ANKRD55: variants seen among roughly 807,000 people sequenced by gnomAD.
ANKRD55 encodes ankyrin repeat domain 55.
ANKRD55 carries 41 observed loss-of-function variants against 60.6 expected under a neutral mutation model. The observed-to-expected ratio is 0.68, with a 90% CI of 0.53 to 0.88. The LOEUF (loss-of-function observed/expected upper bound fraction) is 0.88. Ranked by LOEUF, ANKRD55 falls within the 40% of genes least tolerant of loss-of-function variation. ANKRD55 has a pLI of 0.00. For missense variants in ANKRD55, 732 were observed against 767.6 expected, an observed-to-expected ratio of 0.95 and a Z score of 0.55; for synonymous variants, 264 against 290.3, an observed-to-expected ratio of 0.91 and a Z score of 0.92.
At chr5:56,175,039 C>T (rs376579684) in intron 4 of ANKRD55, among the ~76,000 whole-genome samples, 2 of 152,074 alleles carry the variant, frequency 1.3e-5, no homozygotes, top group African/African-American at 4.8e-5. Context: ...AAACAAGCAC[C>T]CCAAGGGATA....
intron 10 of ANKRD55, among the ~76,000 whole-genome samples, chr5:56,104,497 G>C (rs1756390334): frequency 6.6e-6 from 1 of 152,150 alleles, no homozygotes; most frequent in African/African-American, 2.4e-5. Flanking sequence ...TCAGTTTTCA[G>C]GGACAGGGTG....
At position 56,216,477 on chromosome 5, in the gene ANKRD55, T is replaced by C. The variant is rs183247445; in HGVS notation, c.58+16379A>G. On this transcript the variant is annotated intron_variant, in intron 2 of 11. Coordinates refer to ENST00000341048, the MANE Select transcript of ANKRD55 (RefSeq NM_024669.3). The stretch of plus-strand genomic sequence containing the variant: ...AAAAGCTAGAAATGATTAAGCTCAA[T>C]GAGGAAGGCATGTTGAAAGCTAAAA... Among the ~76,000 whole-genome samples the C allele has an allele frequency of 2.6e-5, 4 of 152,326 alleles. No homozygotes were observed. The East Asian group carries it at 7.7e-4, about 29-fold the overall frequency.
At chr5:56,102,674 G>T (rs1756324019) in intron 10 of ANKRD55, 88 bp from the exon 11 acceptor site, 2 of 853,156 alleles carry the variant, frequency 2.3e-6, no homozygotes, top group South Asian at 1.5e-5. Context: ...CATCAAAGTT[G>T]TTACAGATCA....
intron 5 of ANKRD55, among the ~76,000 whole-genome samples, chr5:56,168,760 T>C (rs1758542114): frequency 6.6e-6 from 1 of 152,200 alleles, no homozygotes; most frequent in Non-Finnish European, 1.5e-5. Flanking sequence ...TCTTAGGGGA[T>C]GAAGGTGCTA....
intron 9 of ANKRD55, among the ~76,000 whole-genome samples, chr5:56,115,345 G>T (rs1364978470): frequency 6.0e-5 from 9 of 149,090 alleles, no homozygotes; most frequent in Admixed American, 6.0e-4. Flanking sequence ...TTTTGAGACG[G>T]TCTTGCTCTG....
At chr5:56,120,266 A>G (rs1341749708) in intron 8 of ANKRD55, among the ~76,000 whole-genome samples, 1 of 152,082 alleles carries the variant, frequency 6.6e-6, no homozygotes, top group Non-Finnish European at 1.5e-5. Context: ...CGATCTCCTG[A>G]TCCGCCGTCC....
intron 2 of ANKRD55, among the ~76,000 whole-genome samples, chr5:56,200,003 T>C (rs1759328963): frequency 6.6e-6 from 1 of 152,074 alleles, no homozygotes; most frequent in South Asian, 2.1e-4. Context: ...TATGTATATA[T>C]ATGAAATGTG....
At chr5:56,166,138 CTTTCTTT>C (rs1758461091) in intron 5 of ANKRD55, among the ~76,000 whole-genome samples, 7 of 99,040 alleles carry the variant, frequency 7.1e-5, no homozygotes, top group African/African-American at 3.9e-4. Flanking sequence ...TTCTTTCTTT[CTTTCTTT>C]CTTTCTTTCT....
intron 6 of ANKRD55, among the ~76,000 whole-genome samples, chr5:56,144,663 A>C (rs539512027): frequency 6.6e-6 from 1 of 152,362 alleles, no homozygotes; most frequent in East Asian, 1.9e-4. Context: ...AGGTACTGGC[A>C]TGATCAGATG....
At chr5:56,212,196 G>A (rs951583024) in intron 2 of ANKRD55, among the ~76,000 whole-genome samples, 11 of 151,894 alleles carry the variant, frequency 7.2e-5, no homozygotes, top group African/African-American at 2.7e-4. Flanking sequence ...ATGCATCATG[G>A]CCAAATACAG....
chr5:56,232,306 A>C (rs777544664), intron 2 of ANKRD55, among the ~76,000 whole-genome samples: 1 of 152,224 alleles, frequency 6.6e-6, no homozygotes, highest in Non-Finnish European at 1.5e-5. Flanking sequence ...ATTGCAAATA[A>C]TAGCATAGGG....
At chr5:56,205,498 A>G (rs1308605811) in intron 2 of ANKRD55, among the ~76,000 whole-genome samples, 1 of 152,236 alleles carries the variant, frequency 6.6e-6, no homozygotes, top group Non-Finnish European at 1.5e-5. Context: ...CCTTATCACT[A>G]TCTGTGTTTA....
At chr5:56,101,588 T>G (rs1756277404) in intron 11 of ANKRD55, among the ~76,000 whole-genome samples, 1 of 152,178 alleles carries the variant, frequency 6.6e-6, no homozygotes, top group Non-Finnish European at 1.5e-5. Context: ...AGTATAGATA[T>G]GAGAATATTC....
At chr5:56,143,186 G>A (rs908766784) in intron 7 of ANKRD55, among the ~76,000 whole-genome samples, 3 of 152,086 alleles carry the variant, frequency 2.0e-5, no homozygotes, top group African/African-American at 7.2e-5. Context: ...CTTGAAAAAA[G>A]GAATAGATAA....
intron 3 of ANKRD55, among the ~76,000 whole-genome samples, chr5:56,182,894 C>G (rs1210462848): frequency 6.6e-6 from 1 of 152,204 alleles, no homozygotes; most frequent in Non-Finnish European, 1.5e-5. Context: ...TTCTGTCTTT[C>G]TAGGCTGTTT....
chr5:56,176,190 CAT>C lies in ANKRD55; in HGVS notation c.272_273del (p.Asp91GlyfsTer17). On this transcript the variant is annotated frameshift_variant, in exon 4 of 12. Coordinates refer to ENST00000341048, the MANE Select transcript of ANKRD55 (RefSeq NM_024669.3). LOFTEE classifies it high-confidence loss of function. ...LKMGANINMQ[D>X]AYGRTSLCLA... ...AGGCATAAACTTGTGCGGCCATAAG[CAT>C]CCTGCATGTTAATATTGGCTCCCAT... The C allele has an allele frequency of 6.2e-7, 1 of 1,614,166 alleles. No individual in the cohort carries two copies. Among genetic ancestry groups the C allele is most frequent in the Non-Finnish European group, 8.5e-7 (1 of 1,180,048 alleles).
intron 2 of ANKRD55, among the ~76,000 whole-genome samples, chr5:56,213,983 G>A (rs545481377): frequency 6.6e-6 from 1 of 152,334 alleles, no homozygotes; most frequent in East Asian, 1.9e-4. Context: ...GGCTAGGGAG[G>A]CCTCACAATC....
intron 7 of ANKRD55, among the ~76,000 whole-genome samples, chr5:56,129,862 C>G (rs547428915): frequency 2.0e-5 from 3 of 152,274 alleles, no homozygotes; most frequent in East Asian, 3.9e-4. Context: ...CCGCTTATCC[C>G]TCCTAAAAAG....
intron 2 of ANKRD55, 145 bp from the exon 3 acceptor site, chr5:56,183,779 A>T (rs986424910): frequency 1.0e-5 from 10 of 997,946 alleles, no homozygotes; most frequent in Non-Finnish European, 1.4e-5. Flanking sequence ...CTGGCTACAC[A>T]CTCCCTCACC....
Sources: gnomAD v4.1 joint callset for allele counts (sites outside exome capture counted in the v4.1 genomes callset) on GRCh38, gnomAD v4.1.1 for gene constraint, MANE v1.5 for transcripts, NCBI Gene and HGNC (gene_info 2026-07-23, HGNC 2026-07-21) for gene names.